RALYL: variants seen among roughly 807,000 people sequenced by gnomAD.
The protein encoded by RALYL is RNA-binding Raly-like protein.
A neutral mutation model predicts 35.1 loss-of-function variants in RALYL; 29 were observed. The ratio of observed to expected loss-of-function variants is 0.83; its 90% confidence interval spans 0.61 to 1.13. The LOEUF (loss-of-function observed/expected upper bound fraction) is 1.13. RALYL is among the 50% of genes most tolerant of loss of function. RALYL has a pLI of 0.00. For synonymous variants in RALYL, 120 were observed against 127.6 expected (o/e 0.94, Z 0.40); for missense variants, 359 against 360.4 (o/e 1.00, Z 0.03).
intron 1 of RALYL, among the ~76,000 whole-genome samples, chr8:84,403,993 T>C (rs2043202115): frequency 6.6e-6 from 1 of 152,154 alleles, no homozygotes; most frequent in African/African-American, 2.4e-5. Context: ...TATTGGTGTA[T>C]AGGAATGCTT....
chr8:84,918,813 G>A (rs953227940), intron 8 of RALYL, among the ~76,000 whole-genome samples: 5 of 152,068 alleles, frequency 3.3e-5, no homozygotes, highest in Non-Finnish European at 5.9e-5. Context: ...CAAAGTTAAT[G>A]AGTCTTTTGT....
chr8:84,730,966 A>C (rs1293916762), intron 2 of RALYL, among the ~76,000 whole-genome samples: 3 of 152,098 alleles, frequency 2.0e-5, no homozygotes. Context: ...GAAAGAAGGA[A>C]AAGGTGGTGC....
intron 1 of RALYL, among the ~76,000 whole-genome samples, chr8:84,401,427 G>A (rs1165983711): frequency 6.6e-6 from 1 of 151,774 alleles, no homozygotes; most frequent in Non-Finnish European, 1.5e-5. Context: ...CACGAGGTCA[G>A]GAGATCGAGA....
At chr8:84,827,419 G>A (rs1829951006) in intron 4 of RALYL, among the ~76,000 whole-genome samples, 1 of 152,030 alleles carries the variant, frequency 6.6e-6, no homozygotes, top group African/African-American at 2.4e-5. Context: ...CAAAGAATGA[G>A]AATAACATCA....
At chr8:84,473,875 A>G (rs935861089) in intron 1 of RALYL, among the ~76,000 whole-genome samples, 9 of 152,036 alleles carry the variant, frequency 5.9e-5, no homozygotes, top group African/African-American at 2.2e-4. Flanking sequence ...GGTTATTAGT[A>G]TTAATATTAC....
intron 4 of RALYL, among the ~76,000 whole-genome samples, chr8:84,834,785 T>G (rs76749726): frequency 6.6e-6 from 1 of 152,186 alleles, no homozygotes; most frequent in South Asian, 2.1e-4. Context: ...GTTTGAAAAT[T>G]TGAATGAAAA....
At chr8:84,524,293 C>T (rs1179278367) in intron 1 of RALYL, among the ~76,000 whole-genome samples, 1 of 152,112 alleles carries the variant, frequency 6.6e-6, no homozygotes, top group Non-Finnish European at 1.5e-5. Flanking sequence ...GGGCGAAGGA[C>T]ATGAACAGAC....
chr8:84,333,183 C>A (rs965189597), intron 1 of RALYL, among the ~76,000 whole-genome samples: 1 of 152,066 alleles, frequency 6.6e-6, no homozygotes, highest in Non-Finnish European at 1.5e-5. Flanking sequence ...TTGGAATAAC[C>A]ATTGCATGTT....
At chr8:84,375,040 A>C (rs1856642292) in intron 1 of RALYL, among the ~76,000 whole-genome samples, 1 of 151,766 alleles carries the variant, frequency 6.6e-6, no homozygotes, top group South Asian at 2.1e-4. Context: ...TTACATTTTT[A>C]ATTTTTGCAG....
At chr8:84,642,291 T>C (rs1826528661) in intron 2 of RALYL, among the ~76,000 whole-genome samples, 1 of 152,056 alleles carries the variant, frequency 6.6e-6, no homozygotes, top group Non-Finnish European at 1.5e-5. Flanking sequence ...TTTGCCCTGA[T>C]AGGTAATCCA....
chr8:84,619,490 T>C (rs1427308399), intron 2 of RALYL, among the ~76,000 whole-genome samples: 6 of 147,636 alleles, frequency 4.1e-5, no homozygotes, highest in African/African-American at 1.3e-4. Context: ...TGTGTGTCTC[T>C]GCACGTGAGA....
chr8:84,837,169 T>C (rs1832191470), intron 4 of RALYL, among the ~76,000 whole-genome samples: 1 of 152,228 alleles, frequency 6.6e-6, no homozygotes, highest in South Asian at 2.1e-4. Flanking sequence ...AAATTCTGCC[T>C]CAACTTACGG....
intron 1 of RALYL, among the ~76,000 whole-genome samples, chr8:84,429,441 T>A (rs2046904905): frequency 6.6e-6 from 1 of 152,188 alleles, no homozygotes; most frequent in African/African-American, 2.4e-5. Flanking sequence ...TTTGGACCAG[T>A]ACTTTCAATG....
chr8:84,800,641 A>C (rs114791558), intron 3 of RALYL, among the ~76,000 whole-genome samples: 946 of 68,548 alleles, frequency 0.014, 13 homozygotes, highest in African/African-American at 0.039. Context: ...ATCTTAGGAA[A>C]GATAAAAAAA....
At chr8:84,220,995 C>A (rs1320889002) in intron 1 of RALYL, among the ~76,000 whole-genome samples, 1 of 151,846 alleles carries the variant, frequency 6.6e-6, no homozygotes, top group Non-Finnish European at 1.5e-5. Flanking sequence ...TTTATAGGAA[C>A]ACTATTTTCA....
At chr8:84,782,976 G>A (rs752969663) in intron 3 of RALYL, among the ~76,000 whole-genome samples, 20 of 102,846 alleles carry the variant, frequency 1.9e-4, no homozygotes, top group East Asian at 6.7e-4. Context: ...GGTCTTGAGC[G>A]TCCAACCTAT....
chr8:84,836,578 C>T (rs1325982396), intron 4 of RALYL, among the ~76,000 whole-genome samples: 2 of 152,190 alleles, frequency 1.3e-5, no homozygotes, highest in African/African-American at 4.8e-5. Flanking sequence ...TGGTGACATA[C>T]ACCAAAGTAA....
At chr8:84,406,494 A>T (rs2043512443) in intron 1 of RALYL, among the ~76,000 whole-genome samples, 1 of 151,894 alleles carries the variant, frequency 6.6e-6, no homozygotes, top group African/African-American at 2.4e-5. Context: ...ACATTTGGGA[A>T]TATAATATTA....
intron 7 of RALYL, among the ~76,000 whole-genome samples, chr8:84,882,919 T>C (rs748135704): frequency 6.6e-6 from 1 of 152,062 alleles, no homozygotes; most frequent in Non-Finnish European, 1.5e-5. Flanking sequence ...ACTTCAGCAA[T>C]GTAATTACTG....
Sources: allele counts gnomAD v4.1 joint callset (sites outside exome capture counted in the v4.1 genomes callset), GRCh38; gene constraint gnomAD v4.1.1; transcripts MANE v1.5; gene names NCBI Gene and HGNC (gene_info 2026-07-23, HGNC 2026-07-21).